The following DOCK2 variants were observed in gnomAD, a reference collection of about 807,000 sequenced individuals.
The protein encoded by DOCK2 is dedicator of cytokinesis protein 2.
DOCK2 carries 87 observed loss-of-function variants against 248.9 expected under a neutral mutation model. That is an observed-to-expected ratio of 0.35 (90% CI 0.29 to 0.42). The LOEUF (loss-of-function observed/expected upper bound fraction) is 0.42, where lower values mean the gene tolerates loss of function less well. Among genes scored for constraint, DOCK2 ranks in the 10% least tolerant of loss-of-function variants. The pLI is 1.00. For synonymous variants in DOCK2, 805 were observed against 821.6 expected, an observed-to-expected ratio of 0.98 and a Z score of 0.35; for missense variants, 1,747 against 2,300.2, an observed-to-expected ratio of 0.76 and a Z score of 4.92.
intron 27 of DOCK2, among the ~76,000 whole-genome samples, chr5:169,925,757 T>C (rs1157599419): frequency 1.3e-5 from 2 of 152,060 alleles, no homozygotes; most frequent in African/African-American, 4.8e-5. Flanking sequence ...AAAGAGATCA[T>C]GTAAAGTGCT....
At chr5:169,918,536 G>A (rs1314339822) in intron 27 of DOCK2, among the ~76,000 whole-genome samples, 1 of 152,210 alleles carries the variant, frequency 6.6e-6, no homozygotes, top group Non-Finnish European at 1.5e-5. Context: ...TGGTGAAATA[G>A]ACAAATCTTC....
rs187057266 is a variant in DOCK2 at position 169,995,857 on chromosome 5, T to C, written c.2994-229T>C. ...TTGTAATATCTTAAACATAAGACAA[T>C]GCAAATTTTCAAAAAGAAGTCGAAC... On this transcript the variant is annotated intron_variant, in intron 29 of 51. Transcript: ENST00000520908. 1.5e-3 allele frequency among the ~76,000 whole-genome samples: 225 copies of C among 152,256 alleles called. 2 individuals carry two copies. The highest frequency in any genetic ancestry group is 5.1e-3 in the African/African-American group (211 of 41,550).
intron 23 of DOCK2, among the ~76,000 whole-genome samples, chr5:169,755,738 C>T (rs946760413): frequency 1.1e-4 from 16 of 151,972 alleles, no homozygotes; most frequent in Non-Finnish European, 2.2e-4. Context: ...AGTGAGACTC[C>T]GTCTCAAAAT....
In DOCK2 at chr5:170,045,842, C is replaced by G. The variant is rs1372687005; in HGVS notation, c.3903C>G (p.Cys1301Trp). The change falls in exon 39 of 52, where the codon TGC becomes TGG. Residue 1301 changes from cysteine (C) to tryptophan (W), a missense_variant. This residue lies in a region of DOCK2 where 858 missense variants were observed against 1,183.5 expected (regional missense o/e 0.72). Transcript: ENST00000520908. ...TGTGGGAAGAGGCCATAAGTCTGTG[C>G]AAGGAGCTGGCGGAACAGTACGAGA... ...GKMWEEAISLCKELAEQYEME... is the reference protein window; with the variant it reads ...GKMWEEAISLWKELAEQYEME... 12 of 1,614,018 alleles carry G rather than the reference C, an allele frequency of 7.4e-6. No homozygotes were observed. Among genetic ancestry groups the G allele is most frequent in the Non-Finnish European group, 1.0e-5 (12 of 1,180,032 alleles).
chr5:169,995,752 G>A (rs1420641338), intron 29 of DOCK2, among the ~76,000 whole-genome samples: 1 of 152,108 alleles, frequency 6.6e-6, no homozygotes, highest in African/African-American at 2.4e-5. Flanking sequence ...GTAGCAGGTT[G>A]TTTATTTGTT....
Position 169,764,046 on chromosome 5 carries a change from C to A in DOCK2, c.2554+2421C>A, listed in dbSNP as rs1315512852. On this transcript the variant is annotated intron_variant, in intron 25 of 51. Coordinates refer to ENST00000520908, the MANE Select transcript of DOCK2 (RefSeq NM_004946.3). This position sits in a 1 kb window ranked among gnomAD's most constrained non-coding sequence, Gnocchi z 4.3. ...TTATGCTTACTAGGTGTCCATCGAC[C>A]TCGGGTGAGCATCTCTCTTTATACC... is the stretch of plus-strand genomic sequence containing the variant. Among the ~76,000 whole-genome samples, 1 of 152,188 alleles carries A rather than the reference C, an allele frequency of 6.6e-6. No individual in the cohort carries two copies. Among genetic ancestry groups the A allele is most frequent in the Non-Finnish European group, 1.5e-5 (1 of 68,036 alleles).
intron 27 of DOCK2, among the ~76,000 whole-genome samples, chr5:169,880,163 A>G (rs1246138155): frequency 6.6e-6 from 1 of 152,226 alleles, no homozygotes; most frequent in Non-Finnish European, 1.5e-5. Flanking sequence ...TCTTTTTTAA[A>G]GGAAGACTTC....
intron 27 of DOCK2, among the ~76,000 whole-genome samples, chr5:169,917,309 A>G (rs1445992806): frequency 1.3e-5 from 2 of 152,200 alleles, no homozygotes; most frequent in African/African-American, 4.8e-5. Context: ...CCAAGTGTCA[A>G]TAAATACCAA....
At chr5:169,915,076 A>T (rs1774803259) in intron 27 of DOCK2, among the ~76,000 whole-genome samples, 1 of 152,204 alleles carries the variant, frequency 6.6e-6, no homozygotes, top group South Asian at 2.1e-4. Context: ...GCCACTTAGA[A>T]TCAATTCTAG....
chr5:170,015,936 C>G (rs1755524514), intron 32 of DOCK2, among the ~76,000 whole-genome samples: 1 of 151,048 alleles, frequency 6.6e-6, no homozygotes, highest in Non-Finnish European at 1.5e-5. Context: ...CCTTCCTTCC[C>G]TCCTTCCTTC....
At chr5:169,721,757 C>T (rs766051571) in intron 22 of DOCK2, among the ~76,000 whole-genome samples, 3 of 152,154 alleles carry the variant, frequency 2.0e-5, no homozygotes, top group Non-Finnish European at 4.4e-5. Context: ...CAGTATGCAA[C>T]GTATAGTTGG....
intron 27 of DOCK2, among the ~76,000 whole-genome samples, chr5:169,912,515 A>C (rs1774655022): frequency 6.6e-6 from 1 of 152,132 alleles, no homozygotes; most frequent in Non-Finnish European, 1.5e-5. Context: ...AGACATCAGC[A>C]TTCTCCCCTG....
chr5:170,078,231 C>T lies in DOCK2; in HGVS notation c.4994+394C>T, dbSNP rs1453099686. ...CAACCACGATGGGATGTCTCCATTGCAGAGCTCTTCCTCCTGCACCACCTA... is the reference window on the plus strand; with the variant it reads ...CAACCACGATGGGATGTCTCCATTGTAGAGCTCTTCCTCCTGCACCACCTA... On this transcript the variant is annotated intron_variant, in intron 48 of 51. Coordinates refer to ENST00000520908, the MANE Select transcript of DOCK2 (RefSeq NM_004946.3). Among the ~76,000 whole-genome samples the T allele has an allele frequency of 3.3e-5, 5 of 152,300 alleles. No individual in the cohort carries two copies. In the East Asian group the frequency reaches 9.7e-4, roughly 29 times the overall value.
At chr5:169,658,689 C>CT (rs79070626) in intron 2 of DOCK2, among the ~76,000 whole-genome samples, 2 of 151,384 alleles carry the variant, frequency 1.3e-5, no homozygotes, top group East Asian at 1.9e-4. Context: ...TATGTTTGTA[C>CT]TTTTCTGTTT....
chr5:169,934,794 CATT>C (rs1775913051), intron 27 of DOCK2: 2 of 446,114 alleles, frequency 4.5e-6, no homozygotes, highest in Non-Finnish European at 9.1e-6. Context: ...TTGTTAGTTT[CATT>C]ATTATCTGTA....
chr5:169,924,487 T>G (rs906200784), intron 27 of DOCK2, among the ~76,000 whole-genome samples: 1 of 152,228 alleles, frequency 6.6e-6, no homozygotes, highest in Admixed American at 6.5e-5. Context: ...CTCATTTATT[T>G]GTTCCTGAGA....
At chr5:169,933,273 G>A (rs373599763) in intron 27 of DOCK2, among the ~76,000 whole-genome samples, 1 of 152,196 alleles carries the variant, frequency 6.6e-6, no homozygotes, top group East Asian at 1.9e-4. Flanking sequence ...TTAGCCTGTA[G>A]GACAGTGGCT....
chr5:170,042,206 C>A, intron 38 of DOCK2, 74 bp downstream of exon 38: 3 of 1,477,736 alleles, frequency 2.0e-6, no homozygotes, highest in Non-Finnish European at 2.7e-6. Context: ...ACCTTACATC[C>A]AATCCATCCT....
At chr5:170,019,158 A>G (rs1755637535) in intron 33 of DOCK2, 50 bp downstream of exon 33, 2 of 1,611,868 alleles carry the variant, frequency 1.2e-6, no homozygotes, top group Non-Finnish European at 8.5e-7. Context: ...TCCCCAGCCC[A>G]TTTCCCCATA....
Sources: gnomAD v4.1 joint callset for allele counts (sites outside exome capture counted in the v4.1 genomes callset) on GRCh38, gnomAD v4.1.1 for gene constraint, gnomAD v4.1.1 regional missense constraint, Gnocchi (gnomAD v3.1) non-coding constraint, MANE v1.5 for transcripts, NCBI Gene and HGNC (gene_info 2026-07-23, HGNC 2026-07-21) for gene names.